Variants in CD33 observed in about 807,000 individuals in gnomAD.
CD33 encodes the protein CD33 molecule, also known as myeloid cell surface antigen CD33.
Under a neutral mutation model 31.4 loss-of-function variants are expected in CD33, and 25 were observed. The observed-to-expected ratio is 0.80, with a 90% CI of 0.58 to 1.11. The LOEUF is 1.11. Among genes scored for constraint, CD33 ranks in the 50% most tolerant of loss-of-function variants. CD33 has a pLI of 0.00. For missense variants in CD33, 407 were observed against 448.1 expected (o/e 0.91, Z 0.83); for synonymous variants, 176 against 180.6 (o/e 0.97, Z 0.20).
Position 51,239,895 on chromosome 19 carries a change from GA to G in CD33, c.*208del. ...GTGCTCTTTCATTTGCTAAGTGTAT[GA>G]TGTCACACAAGCTCCTTAACCTTCC... is the stretch of plus-strand genomic sequence containing the variant. On this transcript the variant is annotated 3_prime_UTR_variant, in exon 7 of 7. Coordinates refer to ENST00000262262, the MANE Select transcript of CD33 (RefSeq NM_001772.4). The G allele has an allele frequency of 2.4e-6, 1 of 424,952 alleles. No homozygotes were observed. Among genetic ancestry groups the G allele is most frequent in the Non-Finnish European group, 4.2e-6 (1 of 240,580 alleles). 26.3% of individuals were successfully genotyped at this position (424,952 alleles called of 1,614,324 possible). A position where few individuals can be genotyped will look rare whatever the true frequency, so the allele number is the denominator to read the frequency against.
chr19:51,220,232 T>C (rs368071717), upstream of CD33, among the ~76,000 whole-genome samples: 1 of 152,236 alleles, frequency 6.6e-6, no homozygotes, highest in African/African-American at 2.4e-5. Context: ...TGATTCAATC[T>C]TGGCAGAATC....
the CD33 span, chr19:51,211,850 G>A: frequency 2.5e-6 from 3 of 1,221,654 alleles, no homozygotes; most frequent in Non-Finnish European, 3.6e-6. Context: ...GCCACCCCAG[G>A]AACCTGACCT....
At chr19:51,220,155 A>T (rs959604304), upstream of CD33, among the ~76,000 whole-genome samples, 2 of 151,834 alleles carry the variant, frequency 1.3e-5, no homozygotes, top group African/African-American at 4.8e-5. Flanking sequence ...TTGTTGAGAG[A>T]TTTTTTTCTA....
intron 2 of CD33, 96 bp downstream of exon 2, chr19:51,225,694 G>GT: frequency 6.5e-7 from 1 of 1,537,114 alleles, no homozygotes; most frequent in Non-Finnish European, 8.8e-7. Flanking sequence ...GGGTTTAGGG[G>GT]TAAAGCCTGT....
intron 4 of CD33, among the ~76,000 whole-genome samples, chr19:51,234,740 G>A (rs977527894): frequency 3.9e-5 from 6 of 152,114 alleles, no homozygotes; most frequent in African/African-American, 1.4e-4. Context: ...CCTTTTTAAG[G>A]CCAAAAGGAC....
intron 4 of CD33, among the ~76,000 whole-genome samples, chr19:51,234,616 C>T (rs1004660347): frequency 6.6e-6 from 1 of 152,118 alleles, no homozygotes; most frequent in East Asian, 1.9e-4. Context: ...CTCAGAGACA[C>T]GCCCCTGACT....
At chr19:51,223,225 A>C (rs922697561), upstream of CD33, among the ~76,000 whole-genome samples, 3 of 152,210 alleles carry the variant, frequency 2.0e-5, no homozygotes, top group Non-Finnish European at 4.4e-5. Flanking sequence ...GTCTTAAAAA[A>C]AAAAGCACTA....
chr19:51,230,886 T>C (rs974338627), intron 4 of CD33, among the ~76,000 whole-genome samples: 1 of 152,174 alleles, frequency 6.6e-6, no homozygotes, highest in African/African-American at 2.4e-5. Flanking sequence ...CCTCGTGGCC[T>C]ATGGAACACC....
chr19:51,232,372 G>C (rs530804654), intron 4 of CD33, among the ~76,000 whole-genome samples: 2 of 152,304 alleles, frequency 1.3e-5, no homozygotes, highest in African/African-American at 4.8e-5. Context: ...GGCATAATGA[G>C]CTTTGGAGAG....
At chr19:51,225,065 C>T, upstream of CD33, 1 of 1,609,402 alleles carries the variant, frequency 6.2e-7, no homozygotes, top group South Asian at 1.1e-5. Context: ...TTCCCCTCCA[C>T]TCCCTTCCTC....
the CD33 span, among the ~76,000 whole-genome samples, chr19:51,215,326 G>A: frequency 9.2e-5 from 14 of 152,146 alleles, no homozygotes; most frequent in African/African-American, 2.9e-4. Context: ...GGGTGGAGAG[G>A]TTTCTGTTCT....
At chr19:51,220,815 G>A (rs1310840756), upstream of CD33, among the ~76,000 whole-genome samples, 2 of 151,974 alleles carry the variant, frequency 1.3e-5, no homozygotes, top group African/African-American at 2.4e-5. Context: ...TGTTCTTTCC[G>A]TCCTGACACA....
chr19:51,215,392 C>A, the CD33 span, among the ~76,000 whole-genome samples: 1 of 152,110 alleles, frequency 6.6e-6, no homozygotes, highest in South Asian at 2.1e-4. Context: ...TTCTATCAGC[C>A]CCTTTGCAGC....
At chr19:51,237,071 C>T (rs928620903) in intron 6 of CD33, 1 of 152,308 alleles carries the variant, frequency 6.6e-6, no homozygotes, top group African/African-American at 2.4e-5. Context: ...GGCAAGCTTT[C>T]TCATCTCAGA....
intron 4 of CD33, among the ~76,000 whole-genome samples, chr19:51,231,903 C>T (rs1981453343): frequency 6.6e-6 from 1 of 152,150 alleles, no homozygotes; most frequent in East Asian, 1.9e-4. Flanking sequence ...GGACTACAGG[C>T]ATGTGCCACC....
upstream of CD33, among the ~76,000 whole-genome samples, chr19:51,223,618 G>C (rs1024246276): frequency 9.2e-5 from 14 of 152,186 alleles, no homozygotes; most frequent in South Asian, 2.1e-4. Flanking sequence ...TGATCCATAT[G>C]ATGAGCCTCT....
At chr19:51,213,528 T>G in the CD33 span, among the ~76,000 whole-genome samples, 9,559 of 152,258 alleles carry the variant, frequency 0.063, 437 homozygotes, top group African/African-American at 0.12. Context: ...TTTGTTTGTT[T>G]GTTTTTGTTT....
At chr19:51,236,935 A>G (rs1460615413) in intron 6 of CD33, 2 of 152,214 alleles carry the variant, frequency 1.3e-5, no homozygotes, top group East Asian at 3.8e-4. Context: ...TTTGAAATGC[A>G]CTGCTTCTCT....
At chr19:51,225,625 G>T (rs377683772) in intron 2 of CD33, 27 bp downstream of exon 2, 20 of 1,538,240 alleles carry the variant, frequency 1.3e-5, no homozygotes, top group African/African-American at 1.1e-4. Context: ...AGAAGTGGCC[G>T]CAAGGGAAGT....
Sources: allele counts gnomAD v4.1 joint callset (sites outside exome capture counted in the v4.1 genomes callset), GRCh38; gene constraint gnomAD v4.1.1; transcripts MANE v1.5; gene names NCBI Gene and HGNC (gene_info 2026-07-23, HGNC 2026-07-21).